Variants in TRERF1 observed in about 807,000 individuals in gnomAD.
TRERF1 encodes transcriptional-regulating factor 1.
TRERF1 carries 27 observed loss-of-function variants against 122.9 expected under a neutral mutation model. That is an observed-to-expected ratio of 0.22 (90% CI 0.16 to 0.30). The LOEUF is 0.30. Among genes scored for constraint, TRERF1 ranks in the 10% least tolerant of loss-of-function variants. The probability of loss-of-function intolerance (pLI) is 1.00; values close to 1 mark genes in which losing one functional copy is unlikely to be tolerated. For missense variants in TRERF1, 1,248 were observed against 1,560.3 expected, an observed-to-expected ratio of 0.80 and a Z score of 3.37; for synonymous variants, 636 against 641.7, an observed-to-expected ratio of 0.99 and a Z score of 0.13.
chr6:42,408,471 C>T (rs1178574205), intron 2 of TRERF1, among the ~76,000 whole-genome samples: 3 of 149,134 alleles, frequency 2.0e-5, no homozygotes, highest in Non-Finnish European at 4.5e-5. Flanking sequence ...CTCTGCCTCC[C>T]GGGTTCAAGC....
At chr6:42,374,806 G>A (rs1774517701) in intron 2 of TRERF1, among the ~76,000 whole-genome samples, 1 of 151,968 alleles carries the variant, frequency 6.6e-6, no homozygotes, top group South Asian at 2.1e-4. Context: ...TAAGGAGTTC[G>A]AGGCCACTCT....
At chr6:42,229,408 G>C (rs935543987) in intron 17 of TRERF1, among the ~76,000 whole-genome samples, 4 of 152,204 alleles carry the variant, frequency 2.6e-5, no homozygotes, top group Non-Finnish European at 4.4e-5. Flanking sequence ...AAAGTGTTGT[G>C]ATTACACGTG....
In TRERF1 at chr6:42,268,841, T is replaced by C. The variant is rs1340594726; in HGVS notation, c.750A>G (p.Pro250=). The change falls in exon 5 of 18, where the codon CCA becomes CCG. Residue 250 remains proline, a synonymous_variant. Coordinates refer to ENST00000372922, the Ensembl canonical transcript of TRERF1. This position sits in a 1 kb window ranked among gnomAD's most constrained non-coding sequence, Gnocchi z 4.4. ...GTGACAGCATCTGTGGGGCCTGCAGTGGCTGTCCTCCCTGCACTGGCACCT... is the reference window on the plus strand; with the variant it reads ...GTGACAGCATCTGTGGGGCCTGCAGCGGCTGTCCTCCCTGCACTGGCACCT... The C allele has an allele frequency of 1.9e-6, 3 of 1,614,040 alleles. No homozygotes were observed. In the African/African-American group the frequency reaches 4.0e-5, roughly 22 times the overall value.
intron 13 of TRERF1, among the ~76,000 whole-genome samples, chr6:42,249,966 T>C (rs1282496800): frequency 2.0e-5 from 3 of 152,234 alleles, no homozygotes; most frequent in African/African-American, 7.2e-5. Flanking sequence ...GGCTAAAGCC[T>C]TGGACAGATA....
Position 42,268,441 on chromosome 6 carries a change from G to C in TRERF1, c.1150C>G (p.Gln384Glu). The change falls in exon 5 of 18, where the codon CAG (glutamine) becomes GAG (glutamate). Residue 384 changes from glutamine (Q) to glutamate (E), a missense_variant. Coordinates refer to ENST00000372922, the Ensembl canonical transcript of TRERF1. This position sits in a 1 kb window ranked among gnomAD's most constrained non-coding sequence, Gnocchi z 4.4. ...TGGTAGAGGGGGTGGCTGTAGGGCT[G>C]CTGGGGCTCCTGGTAGTAGTACTGG... 13 of 1,579,260 alleles carry C rather than the reference G, an allele frequency of 8.2e-6. No homozygotes were observed. Among genetic ancestry groups the C allele is most frequent in the Non-Finnish European group, 1.0e-5 (12 of 1,161,376 alleles).
chr6:42,311,405 G>A (rs1788203575), intron 3 of TRERF1, among the ~76,000 whole-genome samples: 1 of 152,092 alleles, frequency 6.6e-6, no homozygotes, highest in African/African-American at 2.4e-5. Flanking sequence ...CTCTTTGGTG[G>A]AATGAACTTG....
At chr6:42,370,059 C>T (rs574332666) in intron 2 of TRERF1, among the ~76,000 whole-genome samples, 14 of 152,202 alleles carry the variant, frequency 9.2e-5, no homozygotes, top group Middle Eastern at 3.4e-3. Flanking sequence ...CCCCTACCAA[C>T]GATATACCAG....
chr6:42,407,572 G>A (rs1408596411), intron 2 of TRERF1, among the ~76,000 whole-genome samples: 1 of 152,070 alleles, frequency 6.6e-6, no homozygotes, highest in Non-Finnish European at 1.5e-5. Context: ...GGTGGAGACT[G>A]GGAGCTTGAG....
chr6:42,280,717 G>A (rs13192704), intron 4 of TRERF1, among the ~76,000 whole-genome samples: 4,158 of 151,966 alleles, frequency 0.027, 57 homozygotes, highest in Non-Finnish European at 0.037. Context: ...GTAGGCTCTC[G>A]GGGCCCTTAG....
At chr6:42,262,388 GT>G (rs1173645773) in intron 8 of TRERF1, among the ~76,000 whole-genome samples, 2 of 150,396 alleles carry the variant, frequency 1.3e-5, no homozygotes, top group African/African-American at 4.9e-5. Context: ...TGGGGAGGGG[GT>G]AGGTTTGATA....
intron 3 of TRERF1, among the ~76,000 whole-genome samples, chr6:42,308,287 A>G (rs1787640822): frequency 6.6e-6 from 1 of 152,264 alleles, no homozygotes; most frequent in Non-Finnish European, 1.5e-5. Context: ...ATTCACCAAT[A>G]AAAAGGAAAT....
intron 8 of TRERF1, among the ~76,000 whole-genome samples, chr6:42,260,264 C>T (rs1056204065): frequency 2.6e-5 from 4 of 151,858 alleles, no homozygotes; most frequent in African/African-American, 7.3e-5. Context: ...GGGGGAGAGC[C>T]TTCGATGACC....
In TRERF1 at chr6:42,232,108, T is replaced by C. The variant is rs1032457566; in HGVS notation, c.3278+573A>G. Among the ~76,000 whole-genome samples, 4 of 152,224 alleles carry C rather than the reference T, an allele frequency of 2.6e-5. No homozygotes were observed. Among genetic ancestry groups the C allele is most frequent in the Non-Finnish European group, 4.4e-5 (3 of 68,042 alleles). The stretch of plus-strand genomic sequence containing the variant: ...ATACCTAAAAGGGGAGGATAACAAA[T>C]AGGTTTTATTTCATGTGTCAACTCT... On this transcript the variant is annotated intron_variant, in intron 17 of 17. Transcript: ENST00000372922. This position sits in a 1 kb window ranked among gnomAD's most constrained non-coding sequence, Gnocchi z 4.5.
chr6:42,377,027 G>A lies in TRERF1; in HGVS notation c.-453-13948C>T, dbSNP rs1262252941. The stretch of plus-strand genomic sequence containing the variant: ...ATTACAGGTGTGAGCCACCATGACC[G>A]GCTAATTTTTGTATTTTTAGTAGAG... On this transcript the variant is annotated intron_variant, in intron 2 of 17. Coordinates refer to ENST00000372922, the Ensembl canonical transcript of TRERF1. 2.7e-5 allele frequency among the ~76,000 whole-genome samples: 4 copies of A among 149,878 alleles called. No individual in the cohort carries two copies. The East Asian group carries it at 5.9e-4, about 22-fold the overall frequency.
chr6:42,438,797 G>A (rs1284497076), intron 2 of TRERF1, among the ~76,000 whole-genome samples: 1 of 152,148 alleles, frequency 6.6e-6, no homozygotes, highest in Non-Finnish European at 1.5e-5. Context: ...AAGGACAGAA[G>A]GCTGAGACCC....
At position 42,381,914 on chromosome 6, in the gene TRERF1, G is replaced by A. The variant is rs193057779; in HGVS notation, c.-453-18835C>T. Among the ~76,000 whole-genome samples the A allele has an allele frequency of 4.0e-3, 596 of 150,264 alleles. 6 individuals are homozygous for A. Among genetic ancestry groups the A allele is most frequent in the Non-Finnish European group, 3.3e-3 (223 of 67,642 alleles). On this transcript the variant is annotated intron_variant, in intron 2 of 17. Transcript: ENST00000372922. ...AGGACTGAAGAGGAGGGGCAAGAAG[G>A]CTGGAACTGCCAATGGCTGAAACCA... is the stretch of plus-strand genomic sequence containing the variant.
chr6:42,309,868 C>A (rs1787935515), intron 3 of TRERF1, among the ~76,000 whole-genome samples: 1 of 151,616 alleles, frequency 6.6e-6, no homozygotes, highest in South Asian at 2.1e-4. Context: ...CTCACTGCAG[C>A]CTCAACCTCC....
chr6:42,382,244 A>G (rs1254714957), intron 2 of TRERF1, among the ~76,000 whole-genome samples: 1 of 151,738 alleles, frequency 6.6e-6, no homozygotes, highest in Non-Finnish European at 1.5e-5. Context: ...GACTCATAGC[A>G]CAACAGGGTC....
At chr6:42,437,312 G>A (rs549496478) in intron 2 of TRERF1, among the ~76,000 whole-genome samples, 6 of 152,240 alleles carry the variant, frequency 3.9e-5, no homozygotes, top group Admixed American at 2.0e-4. Flanking sequence ...AGCTAACAAC[G>A]TGTGTGAACC....
Sources: allele counts gnomAD v4.1 joint callset (sites outside exome capture counted in the v4.1 genomes callset), GRCh38; gene constraint gnomAD v4.1.1; non-coding constraint Gnocchi (gnomAD v3.1); transcripts MANE v1.5; gene names NCBI Gene and HGNC (gene_info 2026-07-23, HGNC 2026-07-21).